The following KIAA0319 variants were observed in gnomAD, a reference collection of about 807,000 sequenced individuals.
KIAA0319 encodes KIAA0319, also known as dyslexia-associated protein KIAA0319.
A neutral mutation model predicts 108.4 loss-of-function variants in KIAA0319; 83 were observed. The ratio of observed to expected loss-of-function variants is 0.77; its 90% CI spans 0.64 to 0.92. The LOEUF (loss-of-function observed/expected upper bound fraction) is 0.92. Ranked by LOEUF, KIAA0319 falls within the 40% of genes least tolerant of loss-of-function variation. The probability of loss-of-function intolerance (pLI) is 0.00; values close to 1 mark genes in which losing one functional copy is unlikely to be tolerated. For synonymous variants in KIAA0319, 484 were observed against 510.4 expected (o/e 0.95, Z 0.70); for missense variants, 1,195 against 1,322.4 (o/e 0.90, Z 1.49).
At chr6:24,579,412 G>GATAGATATATATATATATATATATATAT (rs1554157110) in intron 8 of KIAA0319, among the ~76,000 whole-genome samples, 30 of 127,240 alleles carry the variant, frequency 2.4e-4, no homozygotes, top group African/African-American at 8.9e-4. Context: ...TCTATATAAA[G>GATAGATATATATATATATATATATATAT]ATATATATAT....
chr6:24,608,540 A>G (rs1047919331), intron 1 of KIAA0319, among the ~76,000 whole-genome samples: 1 of 152,196 alleles, frequency 6.6e-6, no homozygotes, highest in African/African-American at 2.4e-5. Context: ...AAAAATCATT[A>G]AAAGAGGATG....
chr6:24,575,411 C>T (rs1042342026), intron 10 of KIAA0319, among the ~76,000 whole-genome samples: 8 of 152,222 alleles, frequency 5.3e-5, no homozygotes, highest in African/African-American at 1.9e-4. Context: ...ATCCCATCTT[C>T]CTGTTTTGTA....
intron 1 of KIAA0319, among the ~76,000 whole-genome samples, chr6:24,611,761 G>C (rs543441875): frequency 6.6e-6 from 1 of 151,944 alleles, no homozygotes; most frequent in Non-Finnish European, 1.5e-5. Context: ...TACATTAAAA[G>C]ATGTTCAGGC....
rs557835131 is a variant in KIAA0319 at position 24,645,679 on chromosome 6, A to G, written c.-106+57T>C. On this transcript the variant is annotated intron_variant, in intron 1 of 20. Coordinates refer to ENST00000378214, the MANE Select transcript of KIAA0319 (RefSeq NM_014809.4). Reference sequence around the variant, plus strand: ...ACTTTTGTTGGGTATTGGCCTGCCTACTGGCTGCCCTCTTTCCTATTTCTC... The same window carrying G: ...ACTTTTGTTGGGTATTGGCCTGCCTGCTGGCTGCCCTCTTTCCTATTTCTC... The G allele has an allele frequency of 2.0e-5, 3 of 152,346 alleles. No individual in the cohort carries two copies. In the South Asian group the frequency reaches 6.2e-4, roughly 32 times the overall value. 9.4% of individuals were successfully genotyped at this position (152,346 alleles called of 1,614,324 possible). A position where few individuals can be genotyped will look rare whatever the true frequency, so the allele number is the denominator to read the frequency against.
chr6:24,548,684 GA>G (rs1382668939), intron 20 of KIAA0319, among the ~76,000 whole-genome samples: 7 of 152,098 alleles, frequency 4.6e-5, no homozygotes, highest in Non-Finnish European at 1.0e-4. Context: ...GGAATATTTA[GA>G]AAAAAACTGG....
intron 5 of KIAA0319, among the ~76,000 whole-genome samples, chr6:24,582,659 T>A (rs1260638423): frequency 3.5e-5 from 5 of 144,086 alleles, no homozygotes; most frequent in East Asian, 4.0e-4. Flanking sequence ...TGTATAAAGT[T>A]AAAAAAAAAA....
downstream of KIAA0319, among the ~76,000 whole-genome samples, chr6:24,543,892 CG>C (rs1281941019): frequency 6.6e-6 from 1 of 152,182 alleles, no homozygotes; most frequent in Non-Finnish European, 1.5e-5. Context: ...CAGAGGAAGG[CG>C]AGCTGACTGA....
chr6:24,624,256 G>A (rs2127575604), intron 1 of KIAA0319, among the ~76,000 whole-genome samples: 1 of 144,648 alleles, frequency 6.9e-6, no homozygotes, highest in Non-Finnish European at 1.5e-5. Flanking sequence ...TGCCCAGGCT[G>A]GTCTAGAACT....
intron 4 of KIAA0319, among the ~76,000 whole-genome samples, chr6:24,587,270 CT>C (rs576110644): frequency 4.7e-5 from 7 of 149,114 alleles, no homozygotes; most frequent in East Asian, 2.4e-4. Context: ...ACACTATTTT[CT>C]TTTTTTTCCT....
Position 24,576,430 on chromosome 6 carries a change from G to C in KIAA0319, c.1672C>G (p.Gln558Glu). The C allele has an allele frequency of 6.2e-7, 1 of 1,614,130 alleles. No homozygotes were observed. The highest frequency in any genetic ancestry group is 2.2e-5 in the East Asian group (1 of 44,890). The change falls in exon 10 of 21, where the codon CAG becomes GAG. Residue 558 changes from glutamine (Q) to glutamate (E), a missense_variant. Transcript: ENST00000378214. ...LNGNQSSDDHQIVLYEWSLGP... is the reference protein window; with the variant it reads ...LNGNQSSDDHEIVLYEWSLGP... ...AGGGACCACTCATAGAGGACAATCTGGTGATCGTCACTGCTCTGGTTTCCA... is the reference window on the plus strand; with the variant it reads ...AGGGACCACTCATAGAGGACAATCTCGTGATCGTCACTGCTCTGGTTTCCA...
At chr6:24,567,949 C>T (rs2760160) in intron 13 of KIAA0319, among the ~76,000 whole-genome samples, 7,504 of 152,236 alleles carry the variant, frequency 0.049, 417 homozygotes, top group African/African-American at 0.14. Flanking sequence ...AGACTATTCT[C>T]TCTACTTTTA....
intron 1 of KIAA0319, among the ~76,000 whole-genome samples, chr6:24,605,847 T>C (rs535774361): frequency 2.6e-5 from 4 of 152,348 alleles, no homozygotes; most frequent in East Asian, 3.9e-4. Flanking sequence ...AATACACTTA[T>C]AGATTTCATT....
chr6:24,542,377 T>A (rs1486267450), downstream of KIAA0319, among the ~76,000 whole-genome samples: 2 of 152,220 alleles, frequency 1.3e-5, no homozygotes, highest in African/African-American at 4.8e-5. Flanking sequence ...AATATGAACT[T>A]GAAAGAGCCA....
intron 8 of KIAA0319, 38 bp downstream of exon 8, chr6:24,579,820 G>GA (rs1359829818): frequency 5.3e-6 from 8 of 1,517,626 alleles, no homozygotes; most frequent in East Asian, 2.4e-5. Context: ...AGCACGTAGA[G>GA]AAAAAAAGAA....
intron 7 of KIAA0319, among the ~76,000 whole-genome samples, 169 bp from the exon 8 acceptor site, chr6:24,580,119 A>G (rs1023088998): frequency 1.3e-5 from 2 of 152,208 alleles, no homozygotes; most frequent in Admixed American, 6.5e-5. Flanking sequence ...GAGTCTCTCT[A>G]TGAATTTCAG....
In KIAA0319 at chr6:24,588,635, G is replaced by A; in HGVS notation, c.952C>T (p.Pro318Ser). The A allele has an allele frequency of 2.5e-6, 4 of 1,613,906 alleles. No homozygotes were observed. In the East Asian group the frequency reaches 8.9e-5, roughly 36 times the overall value. The change falls in exon 4 of 21, where the codon CCA (proline) becomes TCA (serine). Residue 318 changes from proline to serine, a missense_variant. Transcript: ENST00000378214. ...GTAGGAGATATGGGTAGCTCAGATGGGGTGGACTCAGAGGGGGCTGCGCTA... is the reference window on the plus strand; with the variant it reads ...GTAGGAGATATGGGTAGCTCAGATGAGGTGGACTCAGAGGGGGCTGCGCTA... ...PTSAAPSESTPSELPISPTTA... is the reference protein window; with the variant it reads ...PTSAAPSESTSSELPISPTTA...
At chr6:24,638,163 T>A (rs1246142546) in intron 1 of KIAA0319, among the ~76,000 whole-genome samples, 1 of 152,074 alleles carries the variant, frequency 6.6e-6, no homozygotes, top group East Asian at 1.9e-4. Context: ...AAAATAAGTA[T>A]GTTTGAAGTG....
chr6:24,603,070 G>A (rs1324718797), intron 1 of KIAA0319, among the ~76,000 whole-genome samples: 1 of 152,202 alleles, frequency 6.6e-6, no homozygotes, highest in East Asian at 1.9e-4. Context: ...AGAAGAAAGT[G>A]GTAAATCTTG....
At chr6:24,635,045 T>C (rs1776022929) in intron 1 of KIAA0319, among the ~76,000 whole-genome samples, 1 of 152,190 alleles carries the variant, frequency 6.6e-6, no homozygotes, top group African/African-American at 2.4e-5. Context: ...TGGAGCTATT[T>C]AATTTTTTAT....
Sources: allele counts gnomAD v4.1 joint callset (sites outside exome capture counted in the v4.1 genomes callset), GRCh38; gene constraint gnomAD v4.1.1; transcripts MANE v1.5; gene names NCBI Gene and HGNC (gene_info 2026-07-23, HGNC 2026-07-21).